The following MCM9 variants were observed in gnomAD, a reference collection of about 807,000 sequenced individuals.
MCM9 encodes the protein minichromosome maintenance 9 homologous recombination repair factor.
A neutral mutation model predicts 72.8 loss-of-function variants in MCM9; 55 were observed. The ratio of observed to expected loss-of-function variants is 0.76; its 90% CI spans 0.61 to 0.95. MCM9 has a LOEUF of 0.95. MCM9 is among the 40% of genes least tolerant of loss of function. The probability of loss-of-function intolerance (pLI) is 0.00; values close to 1 mark genes in which losing one functional copy is unlikely to be tolerated. For synonymous variants in MCM9, 480 were observed against 503.4 expected, an observed-to-expected ratio of 0.95 and a Z score of 0.62; for missense variants, 1,279 against 1,377.0, an observed-to-expected ratio of 0.93 and a Z score of 1.13.
chr6:118,898,369 T>C (rs1056776850), intron 8 of MCM9, among the ~76,000 whole-genome samples: 1 of 152,156 alleles, frequency 6.6e-6, no homozygotes, highest in East Asian at 1.9e-4. Context: ...AAGGGCATTA[T>C]ATGTAGTGAT....
intron 9 of MCM9, among the ~76,000 whole-genome samples, chr6:118,843,686 G>GTATGTATATATATATGTATATATATA: frequency 3.2e-5 from 1 of 31,230 alleles, no homozygotes; most frequent in Admixed American, 3.8e-4. Context: ...ATATATATAT[G>GTATGTATATATATATGTATATATATA]TGTATATATA....
chr6:118,885,082 G>A (rs997436968), intron 8 of MCM9, among the ~76,000 whole-genome samples: 1 of 152,070 alleles, frequency 6.6e-6, no homozygotes, highest in Admixed American at 6.5e-5. Context: ...TGTAGTCCCA[G>A]CTACTCAGGA....
At position 118,834,593 on chromosome 6, in the gene MCM9, C is replaced by T. The variant is rs546760991; in HGVS notation, c.1326-5343G>A. Reference sequence around the variant, plus strand: ...TACCTAATTGTGGTTTTGATTTGCACTTCTCTAATGACTACTGATGATGAG... The same window carrying T: ...TACCTAATTGTGGTTTTGATTTGCATTTCTCTAATGACTACTGATGATGAG... On this transcript the variant is annotated intron_variant, in intron 9 of 13. Coordinates refer to ENST00000619706, the MANE Select transcript of MCM9 (RefSeq NM_017696.3). 3.9e-5 allele frequency among the ~76,000 whole-genome samples: 6 copies of T among 152,220 alleles called. No individual in the cohort carries two copies. In the East Asian group the frequency reaches 1.2e-3, roughly 29 times the overall value.
Position 118,914,998 on chromosome 6 carries a change from T to C in MCM9, c.905-1578A>G, listed in dbSNP as rs77896358. ...GTTAGTAAGTATACAACACATTAAA[T>C]AATAACTGGCATATAGTGGGAACTA... On this transcript the variant is annotated intron_variant, in intron 6 of 13. Coordinates refer to ENST00000619706, the MANE Select transcript of MCM9 (RefSeq NM_017696.3). Among the ~76,000 whole-genome samples, 996 of 152,334 alleles carry C rather than the reference T, an allele frequency of 6.5e-3. 7 individuals carry two copies. The highest frequency in any genetic ancestry group is 0.022 in the African/African-American group (927 of 41,576).
intron 3 of MCM9, among the ~76,000 whole-genome samples, chr6:118,929,896 C>T (rs1782246515): frequency 6.6e-6 from 1 of 152,064 alleles, no homozygotes; most frequent in Non-Finnish European, 1.5e-5. Flanking sequence ...GATTAATACT[C>T]TTCATAATTT....
intron 8 of MCM9, among the ~76,000 whole-genome samples, chr6:118,901,969 C>T (rs1463998726): frequency 1.3e-5 from 2 of 152,176 alleles, no homozygotes; most frequent in Non-Finnish European, 2.9e-5. Flanking sequence ...CTACCTTTCC[C>T]TCCCCTGTCC....
intron 9 of MCM9, among the ~76,000 whole-genome samples, chr6:118,843,660 A>ATATATATATATG (rs1562407063): frequency 1.3e-5 from 1 of 76,438 alleles, no homozygotes; most frequent in Non-Finnish European, 2.4e-5. Flanking sequence ...ATATATGTGT[A>ATATATATATATG]TATATATATG....
intron 8 of MCM9, among the ~76,000 whole-genome samples, chr6:118,890,796 C>A (rs1372315236): frequency 6.6e-6 from 1 of 151,988 alleles, no homozygotes; most frequent in East Asian, 1.9e-4. Flanking sequence ...TAAAAAGGAG[C>A]CTCTTAAACT....
chr6:118,892,091 A>G (rs1371990780), intron 8 of MCM9, among the ~76,000 whole-genome samples: 2 of 152,208 alleles, frequency 1.3e-5, no homozygotes, highest in African/African-American at 4.8e-5. Flanking sequence ...ATGCCAGGAC[A>G]TATCTGAGGA....
At chr6:118,877,131 C>A (rs1777982550) in intron 8 of MCM9, among the ~76,000 whole-genome samples, 1 of 152,168 alleles carries the variant, frequency 6.6e-6, no homozygotes, top group African/African-American at 2.4e-5. Context: ...GACCAAGGAC[C>A]CACAGCCCAG....
chr6:118,839,024 A>G (rs1023161043), intron 9 of MCM9, among the ~76,000 whole-genome samples: 1 of 152,156 alleles, frequency 6.6e-6, no homozygotes, highest in African/African-American at 2.4e-5. Context: ...GTGTTTTCCA[A>G]CTTGGTTCCA....
chr6:118,867,784 T>C (rs1777311996), intron 8 of MCM9, among the ~76,000 whole-genome samples: 1 of 152,134 alleles, frequency 6.6e-6, no homozygotes, highest in Admixed American at 6.5e-5. Context: ...TGTATCCCCA[T>C]TGTAAAGTGA....
chr6:118,887,378 G>A (rs1420975986), intron 8 of MCM9, among the ~76,000 whole-genome samples: 1 of 152,128 alleles, frequency 6.6e-6, no homozygotes, highest in African/African-American at 2.4e-5. Context: ...CAATTCATTA[G>A]GAAAATAGTC....
intron 8 of MCM9, chr6:118,894,299 C>A: frequency 1.3e-6 from 2 of 1,489,828 alleles, no homozygotes; most frequent in South Asian, 1.3e-5. Flanking sequence ...GTCGCCGCTG[C>A]ACGACGTCTG....
chr6:118,893,408 C>T (rs956292510), intron 8 of MCM9, among the ~76,000 whole-genome samples: 7 of 152,174 alleles, frequency 4.6e-5, no homozygotes, highest in Non-Finnish European at 7.3e-5. Flanking sequence ...CTCCAAATGG[C>T]AGTAACCTGA....
intron 9 of MCM9, among the ~76,000 whole-genome samples, chr6:118,830,615 A>C (rs558033584): frequency 6.6e-6 from 1 of 152,372 alleles, no homozygotes; most frequent in South Asian, 2.1e-4. Flanking sequence ...AAGCACATTT[A>C]ACCCACACTG....
chr6:118,857,561 G>A (rs1776636823), intron 8 of MCM9, among the ~76,000 whole-genome samples: 1 of 129,380 alleles, frequency 7.7e-6, no homozygotes, highest in South Asian at 2.4e-4. Context: ...AAAGGTATAT[G>A]AAACATGAGT....
intron 3 of MCM9, among the ~76,000 whole-genome samples, chr6:118,924,684 C>T (rs1160055655): frequency 1.3e-5 from 2 of 152,178 alleles, no homozygotes; most frequent in Non-Finnish European, 2.9e-5. Flanking sequence ...GGTTTACCCG[C>T]AGCATCACCT....
intron 9 of MCM9, among the ~76,000 whole-genome samples, chr6:118,844,052 T>A (rs1388378923): frequency 2.0e-5 from 3 of 151,620 alleles, no homozygotes; most frequent in African/African-American, 7.3e-5. Flanking sequence ...AGATAAGGTT[T>A]TTCTTAATAG....
Sources: gnomAD v4.1 joint callset for allele counts (sites outside exome capture counted in the v4.1 genomes callset) on GRCh38, gnomAD v4.1.1 for gene constraint, MANE v1.5 for transcripts, NCBI Gene and HGNC (gene_info 2026-07-23, HGNC 2026-07-21) for gene names.